ADRA1A: variants seen among roughly 807,000 people sequenced by gnomAD.
ADRA1A encodes adrenoceptor alpha 1A, also known as alpha-1A adrenergic receptor.
Under a neutral mutation model 29.6 loss-of-function variants are expected in ADRA1A, and 31 were observed. The observed-to-expected ratio is 1.05, with a 90% confidence interval of 0.79 to 1.41. ADRA1A has a LOEUF of 1.41. Among genes scored for constraint, ADRA1A ranks in the 40% most tolerant of loss-of-function variants. The pLI is 0.00. For missense variants in ADRA1A, 619 were observed against 601.1 expected, an observed-to-expected ratio of 1.03 and a Z score of -0.31; for synonymous variants, 311 against 254.3, an observed-to-expected ratio of 1.22 and a Z score of -2.12.
rs189216717 is a variant in ADRA1A, at chr8:26,836,174, G to A, written c.883+27913C>T. On this transcript the variant is annotated intron_variant, in intron 2 of 2. Coordinates refer to ENST00000380573, the MANE Select transcript of ADRA1A (RefSeq NM_000680.4). Reference sequence around the variant, plus strand: ...AGCAGTTCCTAGTCTGGTTGGGGAAGCGTCTGTCAAAAGGGGCAGTCTTGT... The same window carrying A: ...AGCAGTTCCTAGTCTGGTTGGGGAAACGTCTGTCAAAAGGGGCAGTCTTGT... 2.9e-5 allele frequency: 7 copies of A among 244,320 alleles called. No individual in the cohort carries two copies. In the East Asian group the frequency reaches 3.1e-4, roughly 11 times the overall value. 15.1% of individuals were successfully genotyped at this position (244,320 alleles called of 1,614,324 possible).
In ADRA1A at chr8:26,770,366, C is replaced by T; in HGVS notation, c.1184G>A (p.Cys395Tyr). ...CATGGAAGAGAAAAATTTCCATTCA[C>T]AAACGCCATCCGTCTTGGAGATCCT... ...FYRISKTDGV[C>Y]EWKFFSSMPR... The change falls in exon 3 of 3, where the codon TGT (cysteine) becomes TAT (tyrosine). Residue 395 changes from cysteine (C) to tyrosine (Y), a missense_variant. Coordinates refer to ENST00000380573, the MANE Select transcript of ADRA1A (RefSeq NM_000680.4). 1 of 1,614,232 alleles carries T rather than the reference C, an allele frequency of 6.2e-7. No homozygotes were observed. Among genetic ancestry groups the T allele is most frequent in the Non-Finnish European group, 8.5e-7 (1 of 1,180,044 alleles).
intron 2 of ADRA1A, among the ~76,000 whole-genome samples, chr8:26,802,573 C>G (rs1488542514): frequency 1.3e-5 from 2 of 152,082 alleles, no homozygotes; most frequent in African/African-American, 4.8e-5. Context: ...CAGGCAATGA[C>G]AAATGCTGGT....
intron 2 of ADRA1A, among the ~76,000 whole-genome samples, chr8:26,760,296 G>A (rs1223483862): frequency 6.6e-6 from 1 of 152,184 alleles, no homozygotes; most frequent in Admixed American, 6.5e-5. Flanking sequence ...CCTGAGACCA[G>A]GCAGAGTGGG....
At chr8:26,760,402 A>T (rs548260747) in intron 2 of ADRA1A, among the ~76,000 whole-genome samples, 4 of 152,208 alleles carry the variant, frequency 2.6e-5, no homozygotes. Flanking sequence ...GAGAGCTTTT[A>T]GCAGGGCCTG....
exon 3 of ADRA1A, chr8:26,756,726 G>T: frequency 6.2e-7 from 1 of 1,614,160 alleles, no homozygotes; most frequent in Non-Finnish European, 8.5e-7. Context: ...TCCTTGGGCA[G>T]TAAGGACAAC....
rs773197131 is a variant in ADRA1A, at chr8:26,864,480, C to G, written c.490G>C (p.Gly164Arg). The G allele has an allele frequency of 6.2e-7, 1 of 1,613,752 alleles. No homozygotes were observed. The highest frequency in any genetic ancestry group is 8.5e-7 in the Non-Finnish European group (1 of 1,180,030). ...SLVISIGPLFGWRQPAPEDET... is the reference protein window; with the variant it reads ...SLVISIGPLFRWRQPAPEDET... ...TCCTCGGGGGCCGGCTGCCTCCAGC[C>G]GAACAGGGGTCCAATGGATATGACC... Residue 164 changes from glycine to arginine, a missense_variant, in exon 2 of 3, where the codon GGC becomes CGC. By Grantham distance (125) the Gly-to-Arg change is moderately radical (BLOSUM62 -2). Transcript: ENST00000380573. The surrounding 1 kb of genome is among the most constrained non-coding windows in gnomAD (Gnocchi z 8.1).
chr8:26,763,862 TAG>T (rs1805637449), downstream of ADRA1A, among the ~76,000 whole-genome samples: 1 of 152,198 alleles, frequency 6.6e-6, no homozygotes, highest in African/African-American at 2.4e-5. The surrounding 1 kb of genome is among the most constrained non-coding windows in gnomAD (Gnocchi z 4.5). Flanking sequence ...GAATGTGTGA[TAG>T]AGACTGTATG....
intron 2 of ADRA1A, among the ~76,000 whole-genome samples, chr8:26,861,430 T>C (rs1280933927): frequency 6.7e-6 from 1 of 150,278 alleles, no homozygotes; most frequent in African/African-American, 2.4e-5. Context: ...GCCTCCCAAA[T>C]AGCTGGGACT....
intron 2 of ADRA1A, among the ~76,000 whole-genome samples, chr8:26,819,612 A>C (rs895278439): frequency 4.6e-5 from 7 of 152,116 alleles, no homozygotes; most frequent in African/African-American, 1.7e-4. Context: ...CAAAGCAAAA[A>C]CCTTTAGTAG....
intron 2 of ADRA1A, among the ~76,000 whole-genome samples, chr8:26,757,711 T>A (rs12677245): frequency 0.12 from 17,735 of 152,136 alleles, 1,612 homozygotes; most frequent in East Asian, 0.33. Flanking sequence ...CTTGTAAACA[T>A]TTACTTCCAG....
rs974506966 is a variant in ADRA1A at position 26,866,856 on chromosome 8, G to A, written c.-687+80C>T. 5 of 985,524 alleles carry A rather than the reference G, an allele frequency of 5.1e-6. No homozygotes were observed. Among genetic ancestry groups the A allele is most frequent in the African/African-American group, 3.5e-5 (2 of 57,340 alleles). 61.0% of individuals were successfully genotyped at this position (985,524 alleles called of 1,614,324 possible). Reference sequence around the variant, plus strand: ...AAGCGGGAGGCGCTGGGAAAAGTGGGGGTTCCGTCTCACCAGACGGCGGGG... The same window carrying A: ...AAGCGGGAGGCGCTGGGAAAAGTGGAGGTTCCGTCTCACCAGACGGCGGGG... On this transcript the variant is annotated intron_variant, in intron 1 of 2. Transcript: ENST00000380573. This position sits in a 1 kb window ranked among gnomAD's most constrained non-coding sequence, Gnocchi z 5.7.
In ADRA1A at chr8:26,787,884, T is replaced by C. The variant is rs1807512161; in HGVS notation, c.884-17218A>G. On this transcript the variant is annotated intron_variant, in intron 2 of 2. Coordinates refer to ENST00000380573, the MANE Select transcript of ADRA1A (RefSeq NM_000680.4). The surrounding 1 kb of genome is among the most constrained non-coding windows in gnomAD (Gnocchi z 4.2). The stretch of plus-strand genomic sequence containing the variant: ...CTCTGCATCTACTTTCAGGGTATCT[T>C]CTCAGTCATTAGTGCTATCTTGTCT... Among the ~76,000 whole-genome samples the C allele has an allele frequency of 6.6e-6, 1 of 151,550 alleles. No individual in the cohort carries two copies. The highest frequency in any genetic ancestry group is 6.6e-5 in the Admixed American group (1 of 15,124).
At chr8:26,837,583 G>A (rs1811474192) in intron 2 of ADRA1A, among the ~76,000 whole-genome samples, 1 of 151,236 alleles carries the variant, frequency 6.6e-6, no homozygotes, top group African/African-American at 2.4e-5. Flanking sequence ...CCTGGGAGGT[G>A]GAAGTTGCAG....
At chr8:26,779,684 G>A (rs185419373) in intron 2 of ADRA1A, among the ~76,000 whole-genome samples, 3 of 152,264 alleles carry the variant, frequency 2.0e-5, no homozygotes, top group African/African-American at 4.8e-5. Flanking sequence ...TTGAGATCAC[G>A]GAAAGGAGGG....
Position 26,759,841 on chromosome 8 carries a change from G to A in ADRA1A, c.1270-3062C>T, listed in dbSNP as rs143230153. ...ACTTATTCGAACTTGGTTTTGGATG[G>A]CTTTTGGGCTTGAAAAGACAGAATA... is the stretch of plus-strand genomic sequence containing the variant. On this transcript the variant is annotated intron_variant, in intron 2 of 2. Coordinates refer to the ADRA1A transcript ENST00000380582. Among the ~76,000 whole-genome samples, 324 of 152,336 alleles carry A rather than the reference G, an allele frequency of 2.1e-3. 1 individual carries two copies. Among genetic ancestry groups the A allele is most frequent in the African/African-American group, 7.4e-3 (309 of 41,574 alleles).
chr8:26,806,348 C>T lies in ADRA1A; in HGVS notation c.884-35682G>A, dbSNP rs1808981199. 1.3e-5 allele frequency among the ~76,000 whole-genome samples: 2 copies of T among 150,114 alleles called. No individual in the cohort carries two copies. Among genetic ancestry groups the T allele is most frequent in the Admixed American group, 1.3e-4 (2 of 15,090 alleles). ...TGCCTTCTGTTTTGCTCTTCCCTTA[C>T]TGTATAACAGATAGCAGGGTGCAAA... On this transcript the variant is annotated intron_variant, in intron 2 of 2. Transcript: ENST00000380573. The surrounding 1 kb of genome is among the most constrained non-coding windows in gnomAD (Gnocchi z 4.6).
chr8:26,749,554 G>A (rs1487695653), intron 2 of ADRA1A, among the ~76,000 whole-genome samples: 1 of 152,172 alleles, frequency 6.6e-6, no homozygotes, highest in African/African-American at 2.4e-5. Context: ...AAAATGGTAA[G>A]GGTGGTTACC....
At chr8:26,761,875 A>G (rs910427531), downstream of ADRA1A, among the ~76,000 whole-genome samples, 1 of 152,214 alleles carries the variant, frequency 6.6e-6, no homozygotes, top group Non-Finnish European at 1.5e-5. Context: ...CCAGTAGCAG[A>G]TGGGCTGCTG....
chr8:26,839,278 C>T (rs1811628650), intron 2 of ADRA1A, among the ~76,000 whole-genome samples: 1 of 151,894 alleles, frequency 6.6e-6, no homozygotes, highest in African/African-American at 2.4e-5. Context: ...CCTGCCTCAG[C>T]CTCCTAAGTA....
Sources: gnomAD v4.1 joint callset for allele counts (sites outside exome capture counted in the v4.1 genomes callset) on GRCh38, gnomAD v4.1.1 for gene constraint, Gnocchi (gnomAD v3.1) non-coding constraint, MANE v1.5 for transcripts, NCBI Gene and HGNC (gene_info 2026-07-23, HGNC 2026-07-21) for gene names.